TIMELESS: variants seen among roughly 807,000 people sequenced by gnomAD.
The protein encoded by TIMELESS is timeless circadian regulator, also known as protein timeless homolog.
Under a neutral mutation model 164.3 loss-of-function variants are expected in TIMELESS, and 124 were observed. That is an observed-to-expected ratio of 0.75 (90% CI 0.65 to 0.88). The LOEUF is 0.88. TIMELESS is among the 40% of genes least tolerant of loss of function. The pLI is 0.00. For synonymous variants in TIMELESS, 564 were observed against 563.4 expected (o/e 1.00, Z -0.02); for missense variants, 1,422 against 1,491.4 (o/e 0.95, Z 0.77).
At chr12:56,433,677 A>G in intron 3 of TIMELESS, 25 bp from the exon 4 acceptor site, 3 of 1,613,898 alleles carry the variant, frequency 1.9e-6, no homozygotes, top group Non-Finnish European at 2.5e-6. Context: ...AGGAGGGAGA[A>G]GTTGTTAAGT....
chr12:56,417,165 A>G lies in TIMELESS; in HGVS notation c.*551T>C, dbSNP rs1488403521. 6.5e-6 allele frequency: 1 copy of G among 154,792 alleles called. No homozygotes were observed. The highest frequency in any genetic ancestry group is 1.4e-5 in the Non-Finnish European group (1 of 69,712). 9.6% of individuals were successfully genotyped at this position (154,792 alleles called of 1,614,324 possible). A position where few individuals can be genotyped will look rare whatever the true frequency, so the allele number is the denominator to read the frequency against. On this transcript the variant is annotated 3_prime_UTR_variant, in exon 29 of 29. Coordinates refer to ENST00000553532, the MANE Select transcript of TIMELESS (RefSeq NM_003920.5). The stretch of plus-strand genomic sequence containing the variant: ...ACATGTTTAATACCAAACACAAAGC[A>G]AACACATTCATCATCTAGAGTACTA...
Position 56,420,971 on chromosome 12 carries a change from T to A in TIMELESS, c.3032A>T (p.His1011Leu). 1 of 1,614,222 alleles carries A rather than the reference T, an allele frequency of 6.2e-7. No homozygotes were observed. The highest frequency in any genetic ancestry group is 8.5e-7 in the Non-Finnish European group (1 of 1,180,036). ...CCAGCCAAAGTCCTCACCTTCCTGA[T>A]GCAGGCTTTGACCAAGGTTTTCATT... ...LSNENLGQSLHQEGFSIPLLW... is the reference protein window; with the variant it reads ...LSNENLGQSLLQEGFSIPLLW... The change falls in exon 24 of 29, where the codon CAT becomes CTT. Residue 1011 changes from histidine to leucine, a missense_variant. Transcript: ENST00000553532.
intron 18 of TIMELESS, 30 bp from the exon 19 acceptor site, chr12:56,423,022 T>C: frequency 1.2e-6 from 2 of 1,606,304 alleles, no homozygotes; most frequent in Non-Finnish European, 1.7e-6. Flanking sequence ...CTATGAGGCC[T>C]CTCTGGTCCA....
chr12:56,417,805 T>TGA lies in TIMELESS; in HGVS notation c.3557-21_3557-20dup, dbSNP rs145784429. On this transcript the variant is annotated intron_variant, in intron 28 of 28. Coordinates refer to ENST00000553532, the MANE Select transcript of TIMELESS (RefSeq NM_003920.5). ...TCTGGTGCTGTGGGAACGATGGGGGTGAGAGAGAGAGAGAATATCTAAATA... is the reference window on the plus strand; with the variant it reads ...TCTGGTGCTGTGGGAACGATGGGGGTGAGAGAGAGAGAGAGAATATCTAAATA... 2.5e-5 allele frequency: 40 copies of TGA among 1,608,508 alleles called. No individual in the cohort carries two copies. Among genetic ancestry groups the TGA allele is most frequent in the South Asian group, 1.1e-4 (10 of 90,676 alleles).
rs747703607 is a variant in TIMELESS, at chr12:56,417,740, C to T, written c.3603G>A (p.Gln1201=). ...APGIQKKKRY[Q]IEDDEDD ...TTCAGTCATCCTCATCATCCTCAAT[C>T]TGGTATCGTTTCTTCTTTTGGATTC... The change falls in exon 29 of 29, where the codon CAG becomes CAA. Residue 1201 remains glutamine (Q), a synonymous_variant. Coordinates refer to ENST00000553532, the MANE Select transcript of TIMELESS (RefSeq NM_003920.5). 6.2e-7 allele frequency: 1 copy of T among 1,614,090 alleles called. No individual in the cohort carries two copies. The highest frequency in any genetic ancestry group is 2.2e-5 in the East Asian group (1 of 44,904).
At chr12:56,434,653 C>G (rs1882010941) in intron 1 of TIMELESS, among the ~76,000 whole-genome samples, 1 of 152,218 alleles carries the variant, frequency 6.6e-6, no homozygotes. Context: ...AGGAGAGTGG[C>G]TTGAACCCAG....
intron 25 of TIMELESS, 30 bp downstream of exon 25, chr12:56,420,783 T>C (rs767388816): frequency 1.9e-6 from 3 of 1,613,922 alleles, no homozygotes; most frequent in Non-Finnish European, 2.5e-6. Flanking sequence ...TCCAGGGCTC[T>C]TCTCCTAAAA....
intron 4 of TIMELESS, 43 bp downstream of exon 4, chr12:56,433,495 C>T: frequency 5.6e-6 from 9 of 1,613,768 alleles, no homozygotes; most frequent in Non-Finnish European, 5.9e-6. Flanking sequence ...TTCTTCACCA[C>T]TGCCCCATAT....
At chr12:56,431,939 TA>T (rs1881900633) in intron 7 of TIMELESS, among the ~76,000 whole-genome samples, 1 of 152,002 alleles carries the variant, frequency 6.6e-6, no homozygotes, top group Non-Finnish European at 1.5e-5. Context: ...TGTATACATA[TA>T]TATATACGCA....
At chr12:56,434,535 C>T (rs1882006703) in intron 1 of TIMELESS, among the ~76,000 whole-genome samples, 2 of 152,098 alleles carry the variant, frequency 1.3e-5, no homozygotes, top group Non-Finnish European at 2.9e-5. Flanking sequence ...GTTGGGAGTT[C>T]GAGACCAGCC....
intron 1 of TIMELESS, among the ~76,000 whole-genome samples, chr12:56,438,470 T>C (rs1488663848): frequency 6.6e-6 from 1 of 151,616 alleles, no homozygotes; most frequent in Non-Finnish European, 1.5e-5. Context: ...AATTTGAAAG[T>C]CTATATTTAA....
chr12:56,427,744 T>C (rs2136139170), intron 13 of TIMELESS, among the ~76,000 whole-genome samples: 1 of 152,084 alleles, frequency 6.6e-6, no homozygotes, highest in East Asian at 1.9e-4. Flanking sequence ...CCTGGCTAAT[T>C]TTTGTATTTT....
rs758403948 is a variant in TIMELESS at position 56,433,121 on chromosome 12, C to T, written c.436G>A (p.Glu146Lys). 6 of 1,614,092 alleles carry T rather than the reference C, an allele frequency of 3.7e-6. No homozygotes were observed. Among genetic ancestry groups the T allele is most frequent in the Non-Finnish European group, 5.1e-6 (6 of 1,180,014 alleles). ...AAGTTGTCTTCCTCCTGCCGTTCCT[C>T]CCAGCCCTAACCAGAAGAGAGTAAG... Reference protein sequence around the residue: ...TLYELLQLGWEERQEEDNLLI... With the variant: ...TLYELLQLGWKERQEEDNLLI... The change falls in exon 6 of 29, where the codon GAG (glutamate) becomes AAG (lysine). Residue 146 changes from glutamate to lysine, a missense_variant. Coordinates refer to ENST00000553532, the MANE Select transcript of TIMELESS (RefSeq NM_003920.5).
At chr12:56,430,797 C>T in intron 9 of TIMELESS, 84 bp downstream of exon 9, 1 of 923,930 alleles carries the variant, frequency 1.1e-6, no homozygotes, top group East Asian at 2.9e-5. Context: ...AGCCACCAGG[C>T]ACAGCCAAGA....
intron 14 of TIMELESS, 26 bp from the exon 15 acceptor site, chr12:56,424,939 C>T (rs534126819): frequency 1.1e-5 from 18 of 1,613,922 alleles, no homozygotes; most frequent in Admixed American, 6.7e-5. Context: ...GCTATGGGAG[C>T]GGAGGGAGTG....
chr12:56,420,188 A>G (rs1441122623), intron 26 of TIMELESS, among the ~76,000 whole-genome samples: 1 of 151,454 alleles, frequency 6.6e-6, no homozygotes, highest in East Asian at 1.9e-4. Context: ...GACGAAGTAT[A>G]CAGGTTGTAC....
intron 1 of TIMELESS, among the ~76,000 whole-genome samples, chr12:56,437,246 T>C (rs1013574168): frequency 6.6e-6 from 1 of 152,136 alleles, no homozygotes; most frequent in African/African-American, 2.4e-5. Context: ...CAATAAATAT[T>C]TGCCGAATTT....
At chr12:56,430,586 C>T (rs573351117) in intron 9 of TIMELESS, among the ~76,000 whole-genome samples, 6 of 151,764 alleles carry the variant, frequency 4.0e-5, no homozygotes, top group South Asian at 2.1e-4. Flanking sequence ...AGGCTGGTCT[C>T]GAACTCCTGG....
chr12:56,423,418 C>G lies in TIMELESS; in HGVS notation c.2148G>C (p.Gln716His), dbSNP rs760616900. 7 of 1,614,040 alleles carry G rather than the reference C, an allele frequency of 4.3e-6. No individual in the cohort carries two copies. In the East Asian group the frequency reaches 1.3e-4, roughly 31 times the overall value. ...AYVLLLRSYQ[Q>H]NSAHTNHCIV... ...TGCAATGGTTAGTGTGGGCACTATT[C>G]TGCTGGTAGCTCCTTAGTAGCAGCA... The change falls in exon 18 of 29, where the codon CAG (glutamine) becomes CAC (histidine). Residue 716 changes from glutamine to histidine, a missense_variant. Physicochemically the swap from Gln to His is conservative, Grantham distance 24. Transcript: ENST00000553532.
Sources: allele counts gnomAD v4.1 joint callset (sites outside exome capture counted in the v4.1 genomes callset), GRCh38; gene constraint gnomAD v4.1.1; transcripts MANE v1.5; gene names NCBI Gene and HGNC (gene_info 2026-07-23, HGNC 2026-07-21).